The following SORCS1 variants were observed in gnomAD, a reference collection of about 807,000 sequenced individuals.
SORCS1 encodes the protein sortilin related VPS10 domain containing receptor 1.
A neutral mutation model predicts 146.1 loss-of-function variants in SORCS1; 60 were observed. The ratio of observed to expected loss-of-function variants is 0.41; its 90% CI spans 0.33 to 0.51. The LOEUF (loss-of-function observed/expected upper bound fraction) is 0.51. SORCS1 is among the 20% of genes least tolerant of loss of function. The pLI, the probability that SORCS1 is intolerant of heterozygous loss-of-function variation, is 0.21. For missense variants in SORCS1, 1,352 were observed against 1,487.6 expected, an observed-to-expected ratio of 0.91 and a Z score of 1.50; for synonymous variants, 637 against 584.0, an observed-to-expected ratio of 1.09 and a Z score of -1.31.
intron 2 of SORCS1, among the ~76,000 whole-genome samples, chr10:106,836,155 G>T (rs1315256535): frequency 6.6e-6 from 1 of 152,088 alleles, no homozygotes; most frequent in Non-Finnish European, 1.5e-5. Context: ...ACTAAAAAGT[G>T]TAACTAGCCT....
chr10:107,155,154 T>G (rs575593743), intron 1 of SORCS1, among the ~76,000 whole-genome samples: 1 of 152,244 alleles, frequency 6.6e-6, no homozygotes, highest in Non-Finnish European at 1.5e-5. Flanking sequence ...GTGTGATTTA[T>G]AGAGCCTTAC....
At chr10:106,997,668 T>C (rs1272318283) in intron 1 of SORCS1, among the ~76,000 whole-genome samples, 2 of 152,202 alleles carry the variant, frequency 1.3e-5, no homozygotes, top group Non-Finnish European at 2.9e-5. Context: ...CCTCTACTAA[T>C]GGCTTTCCTA....
chr10:107,047,031 C>A (rs952383153), intron 1 of SORCS1, among the ~76,000 whole-genome samples: 8 of 152,024 alleles, frequency 5.3e-5, no homozygotes, highest in African/African-American at 1.9e-4. Flanking sequence ...CTCTATTGTC[C>A]ATGCCAGAGT....
At chr10:106,669,019 TC>T (rs1415307504) in intron 16 of SORCS1, among the ~76,000 whole-genome samples, 1 of 152,032 alleles carries the variant, frequency 6.6e-6, no homozygotes, top group African/African-American at 2.4e-5. Context: ...GTGACAGAAA[TC>T]CCACTGGACC....
chr10:106,725,448 G>A lies in SORCS1; in HGVS notation c.1024+4602C>T, dbSNP rs367872379. ...CACCTATAATCCCAGCTACTCAGGA[G>A]GCTGAGGCAGGAGAATCACTTGAAC... On this transcript the variant is annotated intron_variant, in intron 6 of 25. Transcript: ENST00000263054. 1.1e-4 allele frequency among the ~76,000 whole-genome samples: 16 copies of A among 152,002 alleles called. No homozygotes were observed. The East Asian group carries it at 2.7e-3, about 26-fold the overall frequency.
chr10:106,740,908 C>T (rs1389479347), intron 5 of SORCS1, among the ~76,000 whole-genome samples: 1 of 152,206 alleles, frequency 6.6e-6, no homozygotes, highest in African/African-American at 2.4e-5. Context: ...AGACTGGAAC[C>T]TAGGCATTCT....
chr10:106,971,604 A>G (rs1046593601), intron 1 of SORCS1, among the ~76,000 whole-genome samples: 1 of 152,268 alleles, frequency 6.6e-6, no homozygotes, highest in African/African-American at 2.4e-5. Flanking sequence ...ACATAATTCA[A>G]TGCTGTGTAA....
chr10:106,628,931 A>G (rs7068505), intron 19 of SORCS1, among the ~76,000 whole-genome samples: 49,123 of 152,028 alleles, frequency 0.32, 8,083 homozygotes, highest in South Asian at 0.42. Context: ...CAGCCTCCAG[A>G]TTCAAGTGTC....
At chr10:107,139,208 A>T (rs1425202041) in intron 1 of SORCS1, among the ~76,000 whole-genome samples, 2 of 152,220 alleles carry the variant, frequency 1.3e-5, no homozygotes, top group African/African-American at 4.8e-5. Context: ...TTGCAGGTAG[A>T]AAAGAGGATA....
intron 1 of SORCS1, among the ~76,000 whole-genome samples, chr10:106,996,200 C>T (rs1320908897): frequency 6.8e-6 from 1 of 147,666 alleles, no homozygotes; most frequent in Non-Finnish European, 1.5e-5. Context: ...GTACTCCAGC[C>T]TGGGCGACAG....
intron 4 of SORCS1, among the ~76,000 whole-genome samples, chr10:106,769,902 C>T (rs1468993030): frequency 6.6e-6 from 1 of 152,080 alleles, no homozygotes; most frequent in African/African-American, 2.4e-5. Flanking sequence ...ACCAGCCTGG[C>T]CAACATGGTC....
chr10:107,108,853 A>G (rs1027435427), intron 1 of SORCS1, among the ~76,000 whole-genome samples: 1 of 152,242 alleles, frequency 6.6e-6, no homozygotes, highest in Non-Finnish European at 1.5e-5. Context: ...ATGAGTGTAT[A>G]GGCATTGGAT....
intron 1 of SORCS1, among the ~76,000 whole-genome samples, chr10:106,968,222 A>ATG (rs1955603909): frequency 6.6e-6 from 1 of 152,042 alleles, no homozygotes; most frequent in Non-Finnish European, 1.5e-5. Flanking sequence ...AAAAAAAGAG[A>ATG]AAAGATGTAC....
At chr10:106,990,690 G>A (rs770427596) in intron 1 of SORCS1, among the ~76,000 whole-genome samples, 6 of 152,162 alleles carry the variant, frequency 3.9e-5, no homozygotes, top group African/African-American at 7.2e-5. Flanking sequence ...TAAGGAGATC[G>A]GAGAAAATGT....
intron 2 of SORCS1, among the ~76,000 whole-genome samples, chr10:106,925,811 C>A (rs10884378): frequency 6.6e-6 from 1 of 151,924 alleles, no homozygotes; most frequent in Non-Finnish European, 1.5e-5. Flanking sequence ...TAGAGCCCAA[C>A]GGAGGGTCCA....
chr10:106,711,517 C>T (rs185501938), intron 6 of SORCS1, among the ~76,000 whole-genome samples: 36 of 152,202 alleles, frequency 2.4e-4, no homozygotes, highest in Admixed American at 1.7e-3. Context: ...CACTAGGGGG[C>T]GGCATGCACT....
chr10:107,087,268 GT>G (rs1270046955), intron 1 of SORCS1, among the ~76,000 whole-genome samples: 5 of 152,022 alleles, frequency 3.3e-5, no homozygotes, highest in Admixed American at 6.6e-5. Context: ...TATCAGAGGG[GT>G]CAAACAATCC....
rs549959025 is a variant in SORCS1, at chr10:106,574,349, T to C, written c.*3071A>G. On this transcript the variant is annotated 3_prime_UTR_variant, in exon 26 of 26. Transcript: ENST00000263054. ...CGGATTTTTAGCTTGCCCTGAATCT[T>C]ACCTTCCACATACATCCCTCCCTAC... is the stretch of plus-strand genomic sequence containing the variant. The C allele has an allele frequency of 2.0e-5, 3 of 152,648 alleles. No individual in the cohort carries two copies. The highest frequency in any genetic ancestry group is 7.2e-5 in the African/African-American group (3 of 41,514). The allele number at this position is 152,648 out of a possible 1,614,324, so 9.5% of individuals were successfully genotyped here.
rs1220059231 is a variant in SORCS1 at position 106,585,859 on chromosome 10, A to G, written c.3266-6385T>C. On this transcript the variant is annotated intron_variant, in intron 24 of 25. Transcript: ENST00000263054. Reference sequence around the variant, plus strand: ...TGAAAGGCCATGTAGAGGCCAGGTTAATTATTCCAACCAAAGCATGCTAGA... The same window carrying G: ...TGAAAGGCCATGTAGAGGCCAGGTTGATTATTCCAACCAAAGCATGCTAGA... Among the ~76,000 whole-genome samples the G allele has an allele frequency of 2.0e-5, 3 of 152,164 alleles. No individual in the cohort carries two copies. The East Asian group carries it at 5.8e-4, about 29-fold the overall frequency.
Sources: gnomAD v4.1 joint callset for allele counts (sites outside exome capture counted in the v4.1 genomes callset) on GRCh38, gnomAD v4.1.1 for gene constraint, MANE v1.5 for transcripts, NCBI Gene and HGNC (gene_info 2026-07-23, HGNC 2026-07-21) for gene names.